Variants in ATP8B4 observed in about 807,000 individuals in gnomAD.
The protein encoded by ATP8B4 is probable phospholipid-transporting ATPase IM.
A neutral mutation model predicts 145.6 loss-of-function variants in ATP8B4; 133 were observed. The ratio of observed to expected loss-of-function variants is 0.91; its 90% CI spans 0.79 to 1.05. ATP8B4 has a LOEUF of 1.05. Ranked by LOEUF, ATP8B4 falls within the 50% of genes least tolerant of loss-of-function variation. The pLI is 0.00. For synonymous variants in ATP8B4, 507 were observed against 492.9 expected, an observed-to-expected ratio of 1.03 and a Z score of -0.38; for missense variants, 1,458 against 1,425.2, an observed-to-expected ratio of 1.02 and a Z score of -0.37.
At chr15:50,155,309 T>A (rs961365882) in intron 1 of ATP8B4, among the ~76,000 whole-genome samples, 4 of 152,136 alleles carry the variant, frequency 2.6e-5, no homozygotes, top group African/African-American at 9.7e-5. Flanking sequence ...TAGTTGTATA[T>A]GTTTATATGT....
chr15:49,921,786 T>C (rs1252178900), intron 17 of ATP8B4, among the ~76,000 whole-genome samples: 1 of 152,176 alleles, frequency 6.6e-6, no homozygotes, highest in Non-Finnish European at 1.5e-5. Flanking sequence ...GTATCCAAAT[T>C]TCTATAGTAG....
chr15:50,048,582 C>T (rs2051912971), intron 3 of ATP8B4, among the ~76,000 whole-genome samples: 1 of 151,956 alleles, frequency 6.6e-6, no homozygotes, highest in Admixed American at 6.5e-5. Context: ...GTGGTGCACG[C>T]CTGTAATCCC....
intron 1 of ATP8B4, among the ~76,000 whole-genome samples, chr15:50,118,870 C>T (rs2057227239): frequency 6.6e-6 from 1 of 151,998 alleles, no homozygotes; most frequent in South Asian, 2.1e-4. Flanking sequence ...AATAGGCATG[C>T]TAACAGAGTA....
At chr15:50,014,484 A>G (rs2048944488) in intron 6 of ATP8B4, among the ~76,000 whole-genome samples, 1 of 152,200 alleles carries the variant, frequency 6.6e-6, no homozygotes, top group African/African-American at 2.4e-5. Context: ...TGAATGTCTA[A>G]TAAGAATTAT....
In ATP8B4 at chr15:49,986,939, T is replaced by C. The variant is rs538692946; in HGVS notation, c.748+452A>G. ...ACAAACAGTGGAAAAAGCTATGGAGTATAAACAGAAATGATTACAGGATCA... is the reference window on the plus strand; with the variant it reads ...ACAAACAGTGGAAAAAGCTATGGAGCATAAACAGAAATGATTACAGGATCA... On this transcript the variant is annotated intron_variant, in intron 10 of 27. Transcript: ENST00000284509. 1.4e-4 allele frequency among the ~76,000 whole-genome samples: 19 copies of C among 132,782 alleles called. No individual in the cohort carries two copies. The East Asian group carries it at 4.3e-3, about 30-fold the overall frequency. The allele number at this position is 132,782 out of a possible 152,430, so 87.1% of individuals were successfully genotyped here. A position where few individuals can be genotyped will look rare whatever the true frequency, so the allele number is the denominator to read the frequency against.
rs763015905 is a variant in ATP8B4 at position 49,934,055 on chromosome 15, G to A, written c.1415C>T (p.Ala472Val). 1.9e-6 allele frequency: 3 copies of A among 1,612,548 alleles called. No individual in the cohort carries two copies. Among genetic ancestry groups the A allele is most frequent in the Non-Finnish European group, 1.7e-6 (2 of 1,179,078 alleles). Residue 472 changes from alanine (A) to valine (V), a missense_variant, in exon 15 of 28, where the codon GCT (alanine) becomes GTT (valine). Ala to Val is a moderately conservative substitution (Grantham distance 64). Coordinates refer to ENST00000284509, the MANE Select transcript of ATP8B4 (RefSeq NM_024837.4). ...PKVHEFLRLLALCHTVMSEEN... is the reference protein window; with the variant it reads ...PKVHEFLRLLVLCHTVMSEEN... ...TTCTGACATTACAGTGTGGCAGAGA[G>A]CAAGTAACCTAAGGAATTCATGAAC...
At chr15:50,114,103 C>CTTTCTTTTTTTTTTTTTTTTTTTTTTTT (rs1555494034) in intron 1 of ATP8B4, among the ~76,000 whole-genome samples, 1 of 55,644 alleles carries the variant, frequency 1.8e-5, no homozygotes, top group Non-Finnish European at 3.1e-5. Flanking sequence ...CTCCTAGTTT[C>CTTTCTTTTTTTTTTTTTTTTTTTTTTTT]TTTTTTTTTT....
chr15:50,101,929 T>C (rs1489599336), intron 2 of ATP8B4, among the ~76,000 whole-genome samples: 1 of 151,952 alleles, frequency 6.6e-6, no homozygotes, highest in Non-Finnish European at 1.5e-5. Flanking sequence ...GGAAATCAAC[T>C]CCAAAAGGAA....
intron 1 of ATP8B4, among the ~76,000 whole-genome samples, chr15:50,125,014 C>T (rs1199729730): frequency 6.6e-6 from 1 of 152,170 alleles, no homozygotes; most frequent in Non-Finnish European, 1.5e-5. Flanking sequence ...GAAACACTCC[C>T]TAAAATAATG....
chr15:49,937,611 T>A (rs2041841200), intron 14 of ATP8B4, among the ~76,000 whole-genome samples: 1 of 152,120 alleles, frequency 6.6e-6, no homozygotes, highest in Non-Finnish European at 1.5e-5. Flanking sequence ...AAAACAAAAA[T>A]CTCTAGCCTC....
At chr15:49,896,810 G>C (rs978479682) in intron 23 of ATP8B4, 33 of 152,392 alleles carry the variant, frequency 2.2e-4, no homozygotes, top group African/African-American at 6.5e-4. Context: ...CTTCCTACCA[G>C]CATTATCTAT....
chr15:49,998,109 G>A (rs959197937), intron 8 of ATP8B4, among the ~76,000 whole-genome samples: 3 of 152,112 alleles, frequency 2.0e-5, no homozygotes, highest in African/African-American at 4.8e-5. Context: ...ATTTATCAAA[G>A]TTTATCATCA....
At chr15:50,161,270 G>T (rs1249918939) in intron 1 of ATP8B4, among the ~76,000 whole-genome samples, 1 of 152,010 alleles carries the variant, frequency 6.6e-6, no homozygotes, top group Non-Finnish European at 1.5e-5. Context: ...TATAAGTGAA[G>T]TGTGTTTCTT....
At chr15:49,876,181 G>C in intron 25 of ATP8B4, 97 bp downstream of exon 25, 1 of 1,476,200 alleles carries the variant, frequency 6.8e-7, no homozygotes, top group Non-Finnish European at 9.1e-7. Context: ...ATTCCTTTAG[G>C]ATTATTTCCC....
At chr15:49,968,778 T>C (rs886083991) in intron 13 of ATP8B4, among the ~76,000 whole-genome samples, 1 of 152,212 alleles carries the variant, frequency 6.6e-6, no homozygotes, top group Non-Finnish European at 1.5e-5. Context: ...GCGGACCTAA[T>C]AGACATCTAC....
rs2037483065 is a variant in ATP8B4 at position 49,897,185 on chromosome 15, A to T, written c.2697+107T>A. ...AATACTATTACTTGAATCAGCCATT[A>T]AAAAATGCTCTGAATTTATTAGTAA... On this transcript the variant is annotated intron_variant, in intron 23 of 27. Coordinates refer to ENST00000284509, the MANE Select transcript of ATP8B4 (RefSeq NM_024837.4). 11 of 1,091,626 alleles carry T rather than the reference A, an allele frequency of 1.0e-5. No homozygotes were observed. In the East Asian group the frequency reaches 2.7e-4, roughly 27 times the overall value. 67.6% of individuals were successfully genotyped at this position (1,091,626 alleles called of 1,614,324 possible).
At chr15:49,997,784 A>T (rs2047549414) in intron 8 of ATP8B4, among the ~76,000 whole-genome samples, 1 of 152,202 alleles carries the variant, frequency 6.6e-6, no homozygotes. Flanking sequence ...CTCAAGGAAT[A>T]CGCATTGCTA....
chr15:49,938,593 C>A (rs1427259461), intron 14 of ATP8B4, among the ~76,000 whole-genome samples: 2 of 152,044 alleles, frequency 1.3e-5, no homozygotes, highest in Non-Finnish European at 1.5e-5. Context: ...TATTGGAACA[C>A]CCATATTCAT....
upstream of ATP8B4, among the ~76,000 whole-genome samples, chr15:50,121,869 C>T (rs1205188971): frequency 6.6e-6 from 1 of 152,102 alleles, no homozygotes; most frequent in Non-Finnish European, 1.5e-5. Context: ...ATCATCTCAA[C>T]TTGTCCTGAC....
Sources: gnomAD v4.1 joint callset for allele counts (sites outside exome capture counted in the v4.1 genomes callset) on GRCh38, gnomAD v4.1.1 for gene constraint, MANE v1.5 for transcripts, NCBI Gene and HGNC (gene_info 2026-07-23, HGNC 2026-07-21) for gene names.